Variants in MAOA observed in about 807,000 individuals in gnomAD.
MAOA encodes the protein monoamine oxidase A, also known as amine oxidase [flavin-containing] A.
MAOA carries 6 observed loss-of-function variants against 42.0 expected under a neutral mutation model. The ratio of observed to expected loss-of-function variants is 0.14; its 90% CI spans 0.08 to 0.28. The LOEUF is 0.28. Ranked by LOEUF, MAOA falls within the 10% of genes least tolerant of loss-of-function variation. The pLI, the probability that MAOA is intolerant of heterozygous loss-of-function variation, is 1.00. For missense variants in MAOA, 262 were observed against 422.3 expected (o/e 0.62, Z 3.33); for synonymous variants, 140 against 154.0 (o/e 0.91, Z 0.67).
chrX:43,687,194 A>T (rs1284089499), intron 2 of MAOA, among the ~76,000 whole-genome samples: 2 of 112,343 alleles, frequency 1.8e-5, no homozygotes, highest in Non-Finnish European at 3.8e-5. Flanking sequence ...CTGAGGTGCA[A>T]CACAGTAGAA....
intron 1 of MAOA, among the ~76,000 whole-genome samples, chrX:43,663,570 A>G (rs1248803103): frequency 9.0e-6 from 1 of 111,466 alleles, no homozygotes; most frequent in African/African-American, 3.3e-5. Flanking sequence ...GATGCGTAAA[A>G]TACTGACTTC....
At position 43,743,922 on chromosome X, in the gene MAOA, A is replaced by G. The variant is rs781468675; in HGVS notation, c.1374+17A>G. 29 of 1,166,805 alleles carry G rather than the reference A, an allele frequency of 2.5e-5. No homozygotes were observed. In the South Asian group the frequency reaches 4.6e-4, roughly 18 times the overall value. ...GCTAGGGAGGTAAGCAGGAAAGCCC[A>G]GGCTCTCTCCCTCCCGAGTCACGGC... On this transcript the variant is annotated intron_variant, in intron 13 of 14. Transcript: ENST00000338702.
intron 3 of MAOA, among the ~76,000 whole-genome samples, chrX:43,695,568 G>C (rs1171716984): frequency 9.1e-6 from 1 of 109,989 alleles, no homozygotes; most frequent in African/African-American, 3.3e-5. Flanking sequence ...TCTTCTCTAT[G>C]AAAAATTAAA....
intron 12 of MAOA, among the ~76,000 whole-genome samples, chrX:43,743,032 G>A (rs1182282642): frequency 2.7e-5 from 3 of 110,856 alleles, no homozygotes; most frequent in Admixed American, 9.6e-5. Context: ...TGAAACCCAG[G>A]GTTCTGGAAT....
At chrX:43,740,650 A>ATTTT in intron 10 of MAOA, 31 bp from the exon 11 acceptor site, 1 of 1,005,640 alleles carries the variant, frequency 9.9e-7, no homozygotes, top group Non-Finnish European at 1.3e-6. Flanking sequence ...CCCTAACTTT[A>ATTTT]TTTTTTTTTT....
chrX:43,730,487 C>CTTT (rs1232538202), intron 6 of MAOA, among the ~76,000 whole-genome samples: 59 of 84,765 alleles, frequency 7.0e-4, no homozygotes, highest in East Asian at 1.1e-3. Flanking sequence ...TATTCCGAAT[C>CTTT]TTTTTTTTTT....
Position 43,681,864 on chromosome X carries a change from C to CTATA in MAOA, c.74-1635_74-1632dup, listed in dbSNP as rs781622470. On this transcript the variant is annotated intron_variant, in intron 1 of 14. Coordinates refer to ENST00000338702, the MANE Select transcript of MAOA (RefSeq NM_000240.4). Reference sequence around the variant, plus strand: ...AAAAATAAATGTATGCACAATAGCACTATATATATATATATATTTTTTTTT... The same window carrying CTATA: ...AAAAATAAATGTATGCACAATAGCACTATATATATATATATATATATTTTTTTTT... 2.6e-3 allele frequency among the ~76,000 whole-genome samples: 243 copies of CTATA among 94,958 alleles called. 5 individuals carry two copies. Among genetic ancestry groups the CTATA allele is most frequent in the African/African-American group, 9.5e-3 (236 of 24,803 alleles). 82.5% of individuals were successfully genotyped at this position (94,958 alleles called of 115,157 possible). A position where few individuals can be genotyped will look rare whatever the true frequency, so the allele number is the denominator to read the frequency against.
At chrX:43,720,589 A>C (rs1168439331) in intron 5 of MAOA, among the ~76,000 whole-genome samples, 4 of 110,713 alleles carry the variant, frequency 3.6e-5, no homozygotes, top group East Asian at 5.7e-4. Flanking sequence ...GTGTTGGTAC[A>C]TGGTATATTC....
chrX:43,666,807 T>G (rs1397000260), intron 1 of MAOA, among the ~76,000 whole-genome samples: 1 of 110,854 alleles, frequency 9.0e-6, no homozygotes, highest in African/African-American at 3.3e-5. Flanking sequence ...ACTAATTTCC[T>G]TTTGGCTGTG....
At chrX:43,683,186 G>T (rs1333578704) in intron 1 of MAOA, among the ~76,000 whole-genome samples, 1 of 111,867 alleles carries the variant, frequency 8.9e-6, no homozygotes, top group Non-Finnish European at 1.9e-5. Flanking sequence ...TGAGGGAAAT[G>T]ATAGGGATTG....
chrX:43,682,246 G>T (rs889429923), intron 1 of MAOA, among the ~76,000 whole-genome samples: 1 of 111,402 alleles, frequency 9.0e-6, no homozygotes, highest in Non-Finnish European at 1.9e-5. Context: ...AGCACACCTA[G>T]AACCCAGATC....
At chrX:43,693,217 G>T in intron 2 of MAOA, 74 bp from the exon 3 acceptor site, 2 of 1,020,750 alleles carry the variant, frequency 2.0e-6, no homozygotes. Flanking sequence ...AAATAAATGG[G>T]GTTATTTTTT....
intron 2 of MAOA, among the ~76,000 whole-genome samples, chrX:43,689,396 T>C (rs902654623): frequency 5.3e-5 from 6 of 112,296 alleles, no homozygotes; most frequent in Non-Finnish European, 9.4e-5. Flanking sequence ...TTCCTTCTTT[T>C]GGGTTAATGG....
At chrX:43,662,910 C>G (rs1212944311) in intron 1 of MAOA, among the ~76,000 whole-genome samples, 1 of 110,442 alleles carries the variant, frequency 9.1e-6, no homozygotes, top group Non-Finnish European at 1.9e-5. Context: ...GGGACTGTTT[C>G]TCCTCCTTTA....
intron 1 of MAOA, among the ~76,000 whole-genome samples, chrX:43,681,047 A>C (rs5906938): frequency 9.2e-6 from 1 of 109,220 alleles, no homozygotes; most frequent in Admixed American, 9.9e-5. Context: ...GTAGGCTCCT[A>C]AGTCTTTTTG....
intron 12 of MAOA, among the ~76,000 whole-genome samples, chrX:43,742,461 C>T (rs1332061670): frequency 8.9e-6 from 1 of 112,743 alleles, no homozygotes; most frequent in African/African-American, 3.2e-5. Flanking sequence ...AGACAGTCCT[C>T]TTCAGGGGAA....
chrX:43,725,750 C>T (rs1330178466), intron 5 of MAOA, among the ~76,000 whole-genome samples: 2 of 111,763 alleles, frequency 1.8e-5, no homozygotes. Context: ...CTAGTTGATG[C>T]AGTTTCTTCA....
chrX:43,681,129 A>C (rs988729096), intron 1 of MAOA, among the ~76,000 whole-genome samples: 4 of 110,651 alleles, frequency 3.6e-5, no homozygotes, highest in Non-Finnish European at 7.6e-5. Flanking sequence ...CATCTTGTAC[A>C]TTTCCTGCCT....
chrX:43,741,836 CAGGATTT>C, intron 11 of MAOA, 107 bp from the exon 12 acceptor site: 1 of 1,141,769 alleles, frequency 8.8e-7, no homozygotes, highest in Non-Finnish European at 1.2e-6. Context: ...GTTAGAAAAA[CAGGATTT>C]TCTTTATTTT....
Sources: allele counts gnomAD v4.1 joint callset (sites outside exome capture counted in the v4.1 genomes callset), GRCh38; gene constraint gnomAD v4.1.1; transcripts MANE v1.5; gene names NCBI Gene and HGNC (gene_info 2026-07-23, HGNC 2026-07-21).